MTTP: variants seen among roughly 807,000 people sequenced by gnomAD.
MTTP encodes microsomal triglyceride transfer protein, also known as microsomal triglyceride transfer protein large subunit.
In MTTP, 49 loss-of-function variants were observed where a neutral mutation model predicts 90.6. The ratio of observed to expected loss-of-function variants is 0.54; its 90% CI spans 0.43 to 0.69. The LOEUF is 0.69. Ranked by LOEUF, MTTP falls within the 30% of genes least tolerant of loss-of-function variation. MTTP has a pLI of 0.00. For missense variants in MTTP, 945 were observed against 1,067.5 expected (o/e 0.89, Z 1.60); for synonymous variants, 347 against 384.2 (o/e 0.90, Z 1.13).
At chr4:99,607,281 G>A (rs1725840847) in intron 11 of MTTP, among the ~76,000 whole-genome samples, 1 of 152,148 alleles carries the variant, frequency 6.6e-6, no homozygotes, top group Admixed American at 6.5e-5. Context: ...CCTGGTTTAA[G>A]TATAACTTTG....
rs1725573211 is a variant in MTTP, at chr4:99,597,077, T to C, written c.920T>C (p.Leu307Pro). The change falls in exon 8 of 18, where the codon CTC (leucine) becomes CCC (proline). Residue 307 changes from leucine to proline, a missense_variant. By Grantham distance (98) the Leu-to-Pro change is moderately conservative. Coordinates refer to ENST00000265517, the MANE Select transcript of MTTP (RefSeq NM_001386140.1). The stretch of plus-strand genomic sequence containing the variant: ...GTGTATGTTTTGCAGCTCTCGGAGC[T>C]CTGGCGGTCCACCAGGAAATACCTG... Reference protein sequence around the residue: ...HCKGCPSLSELWRSTRKYLQP... With the variant: ...HCKGCPSLSEPWRSTRKYLQP... 2 of 1,613,938 alleles carry C rather than the reference T, an allele frequency of 1.2e-6. No individual in the cohort carries two copies. Among genetic ancestry groups the C allele is most frequent in the Non-Finnish European group, 1.7e-6 (2 of 1,179,910 alleles).
At chr4:99,591,888 G>A in intron 6 of MTTP, 98 bp downstream of exon 6, 1 of 1,120,602 alleles carries the variant, frequency 8.9e-7, no homozygotes, top group Admixed American at 2.1e-5. Flanking sequence ...GTGTGTGTGT[G>A]CGCGTGTAGT....
At chr4:99,571,135 C>T (rs575861768), upstream of MTTP, among the ~76,000 whole-genome samples, 5 of 151,980 alleles carry the variant, frequency 3.3e-5, no homozygotes, top group South Asian at 1.0e-3. Context: ...TATCTCTTGA[C>T]CTCTCTTTAA....
rs1179169124 is a variant in MTTP, at chr4:99,600,730, C to G, written c.1233C>G (p.Leu411=). 1 of 1,613,356 alleles carries G rather than the reference C, an allele frequency of 6.2e-7. No individual in the cohort carries two copies. The highest frequency in any genetic ancestry group is 8.5e-7 in the Non-Finnish European group (1 of 1,179,540). ...CCAATGAAGAACTCCTGAGAGCCCTCATTGTAAGTCAAATAGAAAATAAAG... is the reference window on the plus strand; with the variant it reads ...CCAATGAAGAACTCCTGAGAGCCCTGATTGTAAGTCAAATAGAAAATAAAG... ...SHPNEELLRA[L]ISKFKGSIGS... The change falls in exon 9 of 18, where the codon CTC becomes CTG. Residue 411 remains leucine (L), a synonymous_variant. Transcript: ENST00000265517.
Position 99,621,104 on chromosome 4 carries a change from T to C in MTTP, c.2386T>C (p.Phe796Leu), listed in dbSNP as rs1447383250. Residue 796 changes from phenylalanine to leucine, a missense_variant, in exon 17 of 18, where the codon TTT (phenylalanine) becomes CTT (leucine). Transcript: ENST00000265517. ...CACTGACATCACAGTGGACTCCTCT[T>C]TTGTGAAAGCTGGCCTGGAAACCAG... The part of the protein sequence containing the change: ...ITTDITVDSS[F>L]VKAGLETSTE... 1.2e-6 allele frequency: 2 copies of C among 1,614,008 alleles called. No homozygotes were observed. Among genetic ancestry groups the C allele is most frequent in the Admixed American group, 1.7e-5 (1 of 60,000 alleles).
At chr4:99,577,432 C>T (rs1383366719) in intron 1 of MTTP, among the ~76,000 whole-genome samples, 1 of 151,150 alleles carries the variant, frequency 6.6e-6, no homozygotes, top group Non-Finnish European at 1.5e-5. Context: ...GTGGAGAAAC[C>T]CCATCTCTGC....
chr4:99,603,303 G>A (rs905249308), intron 10 of MTTP, among the ~76,000 whole-genome samples: 1 of 152,102 alleles, frequency 6.6e-6, no homozygotes, highest in Non-Finnish European at 1.5e-5. Context: ...AAGCTAAGGA[G>A]TCTGGCCTTC....
At chr4:99,620,817 A>G in intron 16 of MTTP, 1 of 540,416 alleles carries the variant, frequency 1.9e-6, no homozygotes, top group Non-Finnish European at 3.3e-6. Flanking sequence ...CACTCCCCAC[A>G]TCTGCAACTG....
intron 1 of MTTP, among the ~76,000 whole-genome samples, chr4:99,577,259 C>G (rs1276826224): frequency 6.6e-6 from 1 of 152,066 alleles, no homozygotes; most frequent in East Asian, 1.9e-4. Flanking sequence ...ACCAATGCAA[C>G]TGTTTGGTAA....
Position 99,608,765 on chromosome 4 carries a change from G to A in MTTP, c.1558-1G>A. The stretch of plus-strand genomic sequence containing the variant: ...ACTAAGTTTGAACATCTTATGAACA[G>A]GTGAAGAAGACCTTAAACAGAATAT... On this transcript the variant is annotated splice_acceptor_variant, in intron 11 of 17. Transcript: ENST00000265517. LOFTEE classifies it high-confidence loss of function. 1 of 1,612,784 alleles carries A rather than the reference G, an allele frequency of 6.2e-7. No individual in the cohort carries two copies. The highest frequency in any genetic ancestry group is 8.5e-7 in the Non-Finnish European group (1 of 1,178,796).
intron 15 of MTTP, among the ~76,000 whole-genome samples, chr4:99,614,137 AT>A (rs1726032096): frequency 6.6e-6 from 1 of 152,238 alleles, no homozygotes; most frequent in East Asian, 1.9e-4. Flanking sequence ...GTTTTAATAC[AT>A]TAATGGATAA....
intron 16 of MTTP, chr4:99,620,859 C>A: frequency 1.7e-6 from 1 of 590,428 alleles, no homozygotes; most frequent in Non-Finnish European, 3.0e-6. Context: ...GAAGGGCAAA[C>A]CTTCCCTGCC....
chr4:99,587,522 T>C (rs899234635), intron 3 of MTTP, among the ~76,000 whole-genome samples: 7 of 152,152 alleles, frequency 4.6e-5, no homozygotes, highest in Non-Finnish European at 1.0e-4. Flanking sequence ...CTGAACCTTA[T>C]GCACAGTCCA....
In MTTP at chr4:99,621,218, G is replaced by T; in HGVS notation, c.2500G>T (p.Glu834Ter). 6.2e-7 allele frequency: 1 copy of T among 1,613,940 alleles called. No homozygotes were observed. Among genetic ancestry groups the T allele is most frequent in the South Asian group, 1.1e-5 (1 of 91,080 alleles). The change falls in exon 17 of 18, where the codon GAA (glutamate) becomes TAA (stop). Residue 834 changes from glutamate (E) to a stop codon, truncating the protein, a stop_gained. Transcript: ENST00000265517. LOFTEE classifies it high-confidence loss of function. ...FLVCMQMDKD[E>*]APFRQFEKKY... is the part of the protein sequence containing the mutation. ...AGTTTGCATGCAGATGGACAAGGAT[G>T]AAGCTCCATTCAGGTAAGATGCAGC...
intron 11 of MTTP, 30 bp downstream of exon 11, chr4:99,606,990 T>TAA: frequency 1.3e-6 from 2 of 1,570,090 alleles, no homozygotes; most frequent in Admixed American, 1.8e-5. Context: ...TTGCAACATT[T>TAA]ACAGAAGAAA....
exon 1 of MTTP, chr4:99,564,191 A>G: frequency 1.3e-6 from 2 of 1,535,616 alleles, no homozygotes; most frequent in Non-Finnish European, 1.7e-6. Context: ...TTTCCCGTTC[A>G]AGAATTAAGT....
At chr4:99,586,588 C>T (rs1725264418) in intron 3 of MTTP, among the ~76,000 whole-genome samples, 2 of 152,096 alleles carry the variant, frequency 1.3e-5, no homozygotes, top group Non-Finnish European at 2.9e-5. Context: ...TATTTCTTTA[C>T]TTGTTTGTTC....
chr4:99,594,668 C>A, intron 6 of MTTP, 65 bp from the exon 7 acceptor site: 3 of 1,576,752 alleles, frequency 1.9e-6, no homozygotes, highest in Non-Finnish European at 1.7e-6. Flanking sequence ...AAAAGAATGG[C>A]AATTAGTATC....
chr4:99,601,755 C>G lies in MTTP; in HGVS notation c.1344+41C>G, dbSNP rs749186219. 30 of 1,423,002 alleles carry G rather than the reference C, an allele frequency of 2.1e-5. No individual in the cohort carries two copies. In the African/African-American group the frequency reaches 3.4e-4, roughly 16 times the overall value. 88.1% of individuals were successfully genotyped at this position (1,423,002 alleles called of 1,614,324 possible). A position where few individuals can be genotyped will look rare whatever the true frequency, so the allele number is the denominator to read the frequency against. On this transcript the variant is annotated intron_variant, in intron 10 of 17. Transcript: ENST00000265517. ...ATCTCATGTATTACATCATTCTACA[C>G]CATTGTCCATTTGATACTCACCATG...
Sources: allele counts gnomAD v4.1 joint callset (sites outside exome capture counted in the v4.1 genomes callset), GRCh38; gene constraint gnomAD v4.1.1; transcripts MANE v1.5; gene names NCBI Gene and HGNC (gene_info 2026-07-23, HGNC 2026-07-21).